KLHDC1: variants seen among roughly 807,000 people sequenced by gnomAD.
KLHDC1 encodes the protein kelch domain-containing protein 1.
In KLHDC1, 53 loss-of-function variants were observed where a neutral mutation model predicts 68.3. That is an observed-to-expected ratio of 0.78 (90% CI 0.62 to 0.98). The LOEUF is 0.98. KLHDC1 is among the 50% of genes least tolerant of loss of function. KLHDC1 has a pLI of 0.00. For synonymous variants in KLHDC1, 148 were observed against 159.0 expected (o/e 0.93, Z 0.52); for missense variants, 470 against 492.3 (o/e 0.95, Z 0.43).
intron 9 of KLHDC1, among the ~76,000 whole-genome samples, chr14:49,733,419 T>G (rs1322487549): frequency 6.6e-6 from 1 of 151,870 alleles, no homozygotes; most frequent in Non-Finnish European, 1.5e-5. Context: ...TTATGTTTTC[T>G]ATTTTCTTTT....
At chr14:49,705,842 AT>A (rs999138875) in intron 1 of KLHDC1, among the ~76,000 whole-genome samples, 3 of 152,006 alleles carry the variant, frequency 2.0e-5, no homozygotes, top group African/African-American at 7.3e-5. Flanking sequence ...TGATTGAAAA[AT>A]TTTTTTAATT....
rs1461808476 is a variant in KLHDC1, at chr14:49,723,939, A to G, written c.470A>G (p.His157Arg). The G allele has an allele frequency of 6.3e-7, 1 of 1,596,550 alleles. No individual in the cohort carries two copies. Among genetic ancestry groups the G allele is most frequent in the Admixed American group, 1.7e-5 (1 of 59,226 alleles). ...GAACTCCAAGACTGTTTTGATGTTC[A>G]TGATGCATCTTGGGTAAGATAGTAA... ...HSELQDCFDV[H>R]DASWEEQIFW... The change falls in exon 5 of 13, where the codon CAT becomes CGT. Residue 157 changes from histidine (H) to arginine (R), a missense_variant. Physicochemically the swap from His to Arg is conservative, Grantham distance 29 (BLOSUM62 0). Coordinates refer to ENST00000359332, the MANE Select transcript of KLHDC1 (RefSeq NM_172193.3).
In KLHDC1 at chr14:49,748,762, A is replaced by T. The variant is rs553472931; in HGVS notation, c.1035-2824A>T. The stretch of plus-strand genomic sequence containing the variant: ...ATTAGTAAAATTATAAAAATTGTAC[A>T]TGTATATATATGTATATATATACTG... On this transcript the variant is annotated intron_variant, in intron 12 of 12. Transcript: ENST00000359332. Among the ~76,000 whole-genome samples the T allele has an allele frequency of 6.6e-5, 10 of 151,622 alleles. No homozygotes were observed. In the South Asian group the frequency reaches 2.1e-3, roughly 31 times the overall value.
At chr14:49,716,161 G>C (rs1388625380) in intron 4 of KLHDC1, among the ~76,000 whole-genome samples, 3 of 152,260 alleles carry the variant, frequency 2.0e-5, no homozygotes, top group South Asian at 2.1e-4. Context: ...GCATAGGCTC[G>C]TATAAAGGGA....
chr14:49,744,372 T>A (rs1029841698), intron 12 of KLHDC1, among the ~76,000 whole-genome samples: 9 of 152,198 alleles, frequency 5.9e-5, no homozygotes, highest in Non-Finnish European at 1.3e-4. Context: ...AAATTGCCTT[T>A]AGTTTATATG....
Position 49,751,614 on chromosome 14 carries a change from T to C in KLHDC1, c.1063T>C (p.Ser355Pro), listed in dbSNP as rs906808107. ...RSCLDCIGKN[S>P]IMLESQISLL... Reference sequence around the variant, plus strand: ...ATGCCTTGACTGCATTGGTAAAAATTCTATCATGTTAGAAAGTCAGATATC... The same window carrying C: ...ATGCCTTGACTGCATTGGTAAAAATCCTATCATGTTAGAAAGTCAGATATC... Residue 355 changes from serine (S) to proline (P), a missense_variant, in exon 13 of 13, where the codon TCT becomes CCT. Transcript: ENST00000359332. 1.3e-6 allele frequency: 2 copies of C among 1,575,964 alleles called. No individual in the cohort carries two copies. The highest frequency in any genetic ancestry group is 1.7e-6 in the Non-Finnish European group (2 of 1,159,394).
At chr14:49,744,313 TG>T in intron 12 of KLHDC1, among the ~76,000 whole-genome samples, 1 of 152,036 alleles carries the variant, frequency 6.6e-6, no homozygotes, top group African/African-American at 2.4e-5. Context: ...TGTGTGTGTG[TG>T]TGTGTGTGTG....
intron 12 of KLHDC1, 94 bp from the exon 13 acceptor site, chr14:49,751,492 T>C: frequency 1.7e-6 from 1 of 591,970 alleles, no homozygotes; most frequent in Non-Finnish European, 2.6e-6. Context: ...AGTCCAATAC[T>C]ACAATGTTAA....
chr14:49,740,019 A>G (rs1429999453), intron 10 of KLHDC1, 79 bp from the exon 11 acceptor site: 8 of 747,098 alleles, frequency 1.1e-5, no homozygotes, highest in Non-Finnish European at 1.7e-5. Context: ...TTAGAGTATG[A>G]AATTTAGAAT....
intron 1 of KLHDC1, among the ~76,000 whole-genome samples, chr14:49,694,723 G>A (rs1259925674): frequency 1.3e-5 from 2 of 152,022 alleles, no homozygotes; most frequent in Non-Finnish European, 2.9e-5. Flanking sequence ...ACATGGTGGC[G>A]GATGCTTGTA....
At chr14:49,699,917 A>G (rs1489433728) in intron 1 of KLHDC1, 1 of 181,360 alleles carries the variant, frequency 5.5e-6, no homozygotes, top group African/African-American at 2.4e-5. Context: ...AATTTAGGGG[A>G]AAAACTCGGT....
chr14:49,702,502 T>C (rs1040238817), intron 1 of KLHDC1, among the ~76,000 whole-genome samples: 2 of 152,238 alleles, frequency 1.3e-5, no homozygotes, highest in Non-Finnish European at 2.9e-5. Context: ...ATCTATGTTA[T>C]ATGGAAGACA....
At chr14:49,733,996 G>T (rs1312077658) in intron 9 of KLHDC1, among the ~76,000 whole-genome samples, 1 of 152,100 alleles carries the variant, frequency 6.6e-6, no homozygotes, top group Admixed American at 6.6e-5. Flanking sequence ...AAGAGATTTG[G>T]AATCTAACCA....
chr14:49,715,151 C>T (rs985140795), intron 4 of KLHDC1, among the ~76,000 whole-genome samples: 1 of 148,076 alleles, frequency 6.8e-6, no homozygotes, highest in East Asian at 2.0e-4. Flanking sequence ...GAGACAGAGT[C>T]TCATTCTGTC....
intron 2 of KLHDC1, among the ~76,000 whole-genome samples, 159 bp downstream of exon 2, chr14:49,709,388 T>G (rs1007904809): frequency 6.6e-6 from 1 of 152,150 alleles, no homozygotes; most frequent in African/African-American, 2.4e-5. Flanking sequence ...ACTCTTTCAT[T>G]CCCCTACTGT....
chr14:49,732,761 A>T lies in KLHDC1; in HGVS notation c.768A>T (p.Ile256=), dbSNP rs913372962. ...GGTCATGGCATACTTTAACACCTATAGCTGATGATAAACTTTTCCTATGTG... is the reference window on the plus strand; with the variant it reads ...GGTCATGGCATACTTTAACACCTATTGCTGATGATAAACTTTTCCTATGTG... The part of the protein sequence containing the change: ...KHRSWHTLTP[I]ADDKLFLCGG... Residue 256 remains isoleucine, a synonymous_variant, in exon 9 of 13, where the codon ATA becomes ATT. Transcript: ENST00000359332. 3.1e-6 allele frequency: 5 copies of T among 1,610,544 alleles called. No individual in the cohort carries two copies. The highest frequency in any genetic ancestry group is 4.2e-6 in the Non-Finnish European group (5 of 1,177,026).
intron 9 of KLHDC1, among the ~76,000 whole-genome samples, chr14:49,733,486 G>T (rs1446021107): frequency 6.7e-6 from 1 of 149,258 alleles, no homozygotes; most frequent in Non-Finnish European, 1.5e-5. Context: ...GGAGTGGGAT[G>T]GTGCAATCTC....
At chr14:49,703,322 T>C (rs1220085753) in intron 1 of KLHDC1, among the ~76,000 whole-genome samples, 1 of 151,902 alleles carries the variant, frequency 6.6e-6, no homozygotes, top group Non-Finnish European at 1.5e-5. Context: ...TTTTGAATCA[T>C]AGCATATGTT....
chr14:49,713,797 G>GGT, intron 4 of KLHDC1, among the ~76,000 whole-genome samples: 1 of 79,978 alleles, frequency 1.3e-5, no homozygotes, highest in African/African-American at 4.9e-5. Flanking sequence ...TGAGGCAGGA[G>GGT]GTATATATAT....
Sources: gnomAD v4.1 joint callset for allele counts (sites outside exome capture counted in the v4.1 genomes callset) on GRCh38, gnomAD v4.1.1 for gene constraint, MANE v1.5 for transcripts, NCBI Gene and HGNC (gene_info 2026-07-23, HGNC 2026-07-21) for gene names.